PDK2: variants seen among roughly 807,000 people sequenced by gnomAD.
The protein encoded by PDK2 is pyruvate dehydrogenase kinase, isozyme 2.
In PDK2, 34 loss-of-function variants were observed where a neutral mutation model predicts 50.4. That is an observed-to-expected ratio of 0.68 (90% CI 0.51 to 0.90). The LOEUF is 0.90. Among genes scored for constraint, PDK2 ranks in the 40% least tolerant of loss-of-function variants. The pLI is 0.00. For missense variants in PDK2, 377 were observed against 544.5 expected (o/e 0.69, Z 3.06); for synonymous variants, 232 against 216.0 (o/e 1.07, Z -0.65).
At position 50,095,496 on chromosome 17, in the gene PDK2, G is replaced by T. The variant is rs1357722903; in HGVS notation, c.61G>T (p.Glu21Ter). 1.2e-6 allele frequency: 2 copies of T among 1,606,986 alleles called. No homozygotes were observed. The highest frequency in any genetic ancestry group is 1.7e-6 in the Non-Finnish European group (2 of 1,177,028). Residue 21 changes from glutamate (E) to a stop codon, truncating the protein, a stop_gained, in exon 1 of 11, where the codon GAG becomes TAG. Transcript: ENST00000503176. LOFTEE classifies it high-confidence loss of function. ...CCTGGCAGGGGCGCCCAAGTACATA[G>T]AGCACTTCAGCAAGTTCTCCCCGTC... ...ASLAGAPKYI[E>*]HFSKFSPSPL... is the part of the protein sequence containing the mutation.
Position 50,095,483 on chromosome 17 carries a change from G to T in PDK2, c.48G>T (p.Ala16=), listed in dbSNP as rs979981955. The part of the protein sequence containing the change: ...ALLKNASLAG[A]PKYIEHFSKF... Reference sequence around the variant, plus strand: ...TGAAGAATGCGTCCCTGGCAGGGGCGCCCAAGTACATAGAGCACTTCAGCA... The same window carrying T: ...TGAAGAATGCGTCCCTGGCAGGGGCTCCCAAGTACATAGAGCACTTCAGCA... The change falls in exon 1 of 11, where the codon GCG becomes GCT. Residue 16 remains alanine, a synonymous_variant. Coordinates refer to ENST00000503176, the MANE Select transcript of PDK2 (RefSeq NM_002611.5). 1.2e-6 allele frequency: 2 copies of T among 1,605,972 alleles called. No individual in the cohort carries two copies. Among genetic ancestry groups the T allele is most frequent in the Non-Finnish European group, 8.5e-7 (1 of 1,176,578 alleles).
chr17:50,107,031 G>T, intron 5 of PDK2, 45 bp from the exon 6 acceptor site: 1 of 1,562,984 alleles, frequency 6.4e-7, no homozygotes, highest in East Asian at 2.2e-5. Context: ...AGGACTGCCT[G>T]CTGGGTGGGC....
At chr17:50,095,881 A>G (rs1174542754) in intron 1 of PDK2, 1 of 831,786 alleles carries the variant, frequency 1.2e-6, no homozygotes, top group Non-Finnish European at 1.5e-6. Context: ...GAAAGGGTTA[A>G]TGGGAGTTGT....
chr17:50,105,735 G>C (rs550390353), intron 3 of PDK2, 150 bp from the exon 4 acceptor site: 45 of 1,131,148 alleles, frequency 4.0e-5, no homozygotes, highest in Admixed American at 7.9e-5. Context: ...GCAGCTAAAA[G>C]ATCAGAGTGG....
In PDK2 at chr17:50,110,667, C is replaced by T. The variant is rs888488399; in HGVS notation, c.*570C>T. On this transcript the variant is annotated 3_prime_UTR_variant, in exon 11 of 11. Transcript: ENST00000503176. ...TGAAGGTCGGTGGCGGAGGGGGTGGCTCTCACAGGGCCCAACTCTAAAGTG... is the reference window on the plus strand; with the variant it reads ...TGAAGGTCGGTGGCGGAGGGGGTGGTTCTCACAGGGCCCAACTCTAAAGTG... 6 of 152,198 alleles carry T rather than the reference C, an allele frequency of 3.9e-5. No individual in the cohort carries two copies. Among genetic ancestry groups the T allele is most frequent in the African/African-American group, 1.2e-4 (5 of 41,430 alleles). 9.4% of individuals were successfully genotyped at this position (152,198 alleles called of 1,614,324 possible). A position where few individuals can be genotyped will look rare whatever the true frequency, so the allele number is the denominator to read the frequency against.
At position 50,108,353 on chromosome 17, in the gene PDK2, C is replaced by T. The variant is rs1432575578; in HGVS notation, c.797C>T (p.Ser266Phe). 2 of 1,614,004 alleles carry T rather than the reference C, an allele frequency of 1.2e-6. No homozygotes were observed. Among genetic ancestry groups the T allele is most frequent in the Non-Finnish European group, 1.7e-6 (2 of 1,179,964 alleles). Residue 266 changes from serine (S) to phenylalanine (F), a missense_variant, in exon 8 of 11, where the codon TCC becomes TTC. Ser to Phe is a radical substitution (Grantham distance 155, BLOSUM62 -2). Around this residue, in one of 3 missense-constraint regions of PDK2, gnomAD observed 214 missense variants for 294.0 expected, o/e 0.73. Coordinates refer to ENST00000503176, the MANE Select transcript of PDK2 (RefSeq NM_002611.5). Reference protein sequence around the residue: ...AMRATVESHESSLILPPIKVM... With the variant: ...AMRATVESHEFSLILPPIKVM... ...AGGGCGACTGTGGAAAGCCATGAGT[C>T]CAGCCTCATTCTCCCACCCATCAAG...
chr17:50,099,400 A>G (rs1910103707), intron 2 of PDK2, among the ~76,000 whole-genome samples: 1 of 152,196 alleles, frequency 6.6e-6, no homozygotes, highest in African/African-American at 2.4e-5. Flanking sequence ...GACACAGATA[A>G]GAGGTTGGCC....
chr17:50,106,781 T>A lies in PDK2; in HGVS notation c.518-13T>A. On this transcript the variant is annotated splice_polypyrimidine_tract_variant and intron_variant, in intron 4 of 10. Transcript: ENST00000503176. ...GCAGCCCAGCCAACAGCATCCTCCC[T>A]TCCTGCCTGCAGCCCTCATCTTTGA... 2.5e-6 allele frequency: 4 copies of A among 1,612,654 alleles called. No individual in the cohort carries two copies. Among genetic ancestry groups the A allele is most frequent in the Non-Finnish European group, 3.4e-6 (4 of 1,178,666 alleles).
Position 50,108,239 on chromosome 17 carries a change from A to C in PDK2, c.762+7A>C. Reference sequence around the variant, plus strand: ...GCTCTTTGAGCTCTTCAAGGTGAGGAGGCTGGGAGCCGGTGCTTTGCGGGG... The same window carrying C: ...GCTCTTTGAGCTCTTCAAGGTGAGGCGGCTGGGAGCCGGTGCTTTGCGGGG... On this transcript the variant is annotated splice_region_variant and intron_variant, in intron 7 of 10. Coordinates refer to ENST00000503176, the MANE Select transcript of PDK2 (RefSeq NM_002611.5). The C allele has an allele frequency of 6.2e-7, 1 of 1,600,274 alleles. No individual in the cohort carries two copies.
chr17:50,109,924 G>A lies in PDK2; in HGVS notation c.1084-33G>A, dbSNP rs183414220. On this transcript the variant is annotated intron_variant, in intron 10 of 10. Coordinates refer to ENST00000503176, the MANE Select transcript of PDK2 (RefSeq NM_002611.5). This position sits in a 1 kb window ranked among gnomAD's most constrained non-coding sequence, Gnocchi z 5.0. ...TGCTGAGGAGTGGACAAGGCACAGGGAGGTGGGAGGGGCTGACCCTGACAC... is the reference window on the plus strand; with the variant it reads ...TGCTGAGGAGTGGACAAGGCACAGGAAGGTGGGAGGGGCTGACCCTGACAC... 2.3e-3 allele frequency: 3,470 copies of A among 1,499,114 alleles called. 5 individuals carry two copies. The highest frequency in any genetic ancestry group is 2.9e-3 in the Non-Finnish European group (3,206 of 1,113,988). 92.9% of individuals were successfully genotyped at this position (1,499,114 alleles called of 1,614,324 possible).
chr17:50,104,813 G>A (rs910963466), intron 2 of PDK2, among the ~76,000 whole-genome samples: 4 of 152,206 alleles, frequency 2.6e-5, no homozygotes, highest in Non-Finnish European at 5.9e-5. Context: ...GCAGGTGCCT[G>A]GCCCAGATCA....
At chr17:50,106,122 G>A (rs1482803720) in intron 4 of PDK2, 53 bp downstream of exon 4, 3 of 1,552,164 alleles carry the variant, frequency 1.9e-6, no homozygotes, top group Non-Finnish European at 2.6e-6. Context: ...GCGGTGCTGG[G>A]GCCCAGGGCC....
At position 50,104,799 on chromosome 17, in the gene PDK2, C is replaced by T. The variant is rs563625188; in HGVS notation, c.261-572C>T. On this transcript the variant is annotated intron_variant, in intron 2 of 10. Transcript: ENST00000503176. The stretch of plus-strand genomic sequence containing the variant: ...ACCTGCCATTTTAGAATCCACTTGC[C>T]GAGGCAGGTGCCTGGCCCAGATCAC... 2.2e-4 allele frequency among the ~76,000 whole-genome samples: 33 copies of T among 152,348 alleles called. 1 individual carries two copies. The South Asian group carries it at 5.4e-3, about 25-fold the overall frequency.
Position 50,108,621 on chromosome 17 carries a change from C to G in PDK2, c.871C>G (p.Arg291Gly). The G allele has an allele frequency of 6.2e-7, 1 of 1,610,566 alleles. No individual in the cohort carries two copies. Among genetic ancestry groups the G allele is most frequent in the South Asian group, 1.1e-5 (1 of 90,376 alleles). ...EEDLSIKMSDRGGGVPLRKIE... is the reference protein window; with the variant it reads ...EEDLSIKMSDGGGGVPLRKIE... The stretch of plus-strand genomic sequence containing the variant: ...ATCCCATCTCTCCCAGATGAGTGAC[C>G]GAGGTGGGGGTGTTCCCTTGAGGAA... The change falls in exon 9 of 11, where the codon CGA becomes GGA. Residue 291 changes from arginine (R) to glycine (G), a missense_variant. Around this residue, in one of 3 missense-constraint regions of PDK2, gnomAD observed 214 missense variants for 294.0 expected, o/e 0.73. Transcript: ENST00000503176.
intron 2 of PDK2, among the ~76,000 whole-genome samples, chr17:50,104,617 C>A (rs1304223285): frequency 6.6e-6 from 1 of 152,184 alleles, no homozygotes; most frequent in Non-Finnish European, 1.5e-5. Context: ...GGAAAACTGG[C>A]CTCCCCATCA....
At position 50,095,525 on chromosome 17, in the gene PDK2, G is replaced by T. The variant is rs775793823; in HGVS notation, c.90G>T (p.Pro30=). The T allele has an allele frequency of 5.0e-6, 8 of 1,606,698 alleles. 1 individual carries two copies. The South Asian group carries it at 7.8e-5, about 16-fold the overall frequency. ...ACTTCAGCAAGTTCTCCCCGTCCCC[G>T]CTGTCCATGAAGCAGTTTCTGGACT... ...IEHFSKFSPS[P]LSMKQFLDFG... is the part of the protein sequence containing the mutation. The change falls in exon 1 of 11, where the codon CCG becomes CCT. Residue 30 remains proline, a synonymous_variant. Transcript: ENST00000503176.
At chr17:50,099,798 T>TGAAA (rs1294367841) in intron 2 of PDK2, among the ~76,000 whole-genome samples, 1 of 152,078 alleles carries the variant, frequency 6.6e-6, no homozygotes, top group African/African-American at 2.4e-5. Context: ...GTCTCAAAAA[T>TGAAA]GAAAGAAAGA....
chr17:50,108,161 A>G lies in PDK2; in HGVS notation c.691A>G (p.Asn231Asp), dbSNP rs961090306. ...GGTCTTGACTTGCCCTGTAGCAGCC[A>G]ACTCCAAACAGCCGATTCACATGGT... ...DLEIQEINAA[N>D]SKQPIHMVYV... Residue 231 changes from asparagine to aspartate, a missense_variant, in exon 7 of 11, where the codon AAC becomes GAC. Around this residue, in one of 3 missense-constraint regions of PDK2, gnomAD observed 214 missense variants for 294.0 expected, o/e 0.73. Coordinates refer to ENST00000503176, the MANE Select transcript of PDK2 (RefSeq NM_002611.5). The G allele has an allele frequency of 5.7e-6, 9 of 1,591,450 alleles. No homozygotes were observed. In the African/African-American group the frequency reaches 1.1e-4, roughly 19 times the overall value.
In PDK2 at chr17:50,106,787, C is replaced by G; in HGVS notation, c.518-7C>G. 1.9e-6 allele frequency: 3 copies of G among 1,613,246 alleles called. No individual in the cohort carries two copies. Among genetic ancestry groups the G allele is most frequent in the Non-Finnish European group, 1.7e-6 (2 of 1,179,206 alleles). ...CAGCCAACAGCATCCTCCCTTCCTGCCTGCAGCCCTCATCTTTGATGGCAG... is the reference window on the plus strand; with the variant it reads ...CAGCCAACAGCATCCTCCCTTCCTGGCTGCAGCCCTCATCTTTGATGGCAG... On this transcript the variant is annotated splice_polypyrimidine_tract_variant and splice_region_variant and intron_variant, in intron 4 of 10. Transcript: ENST00000503176.
Sources: allele counts gnomAD v4.1 joint callset (sites outside exome capture counted in the v4.1 genomes callset), GRCh38; gene constraint gnomAD v4.1.1; regional missense constraint gnomAD v4.1.1; non-coding constraint Gnocchi (gnomAD v3.1); transcripts MANE v1.5; gene names NCBI Gene and HGNC (gene_info 2026-07-23, HGNC 2026-07-21).